The following PDE4D variants were observed in gnomAD, a reference collection of about 807,000 sequenced individuals.
PDE4D encodes phosphodiesterase 4D.
PDE4D carries 24 observed loss-of-function variants against 87.4 expected under a neutral mutation model. The ratio of observed to expected loss-of-function variants is 0.27; its 90% CI spans 0.20 to 0.39. PDE4D has a LOEUF of 0.39. Ranked by LOEUF, PDE4D falls within the 10% of genes least tolerant of loss-of-function variation. PDE4D has a pLI of 1.00. For missense variants in PDE4D, 714 were observed against 1,041.0 expected (o/e 0.69, Z 4.32); for synonymous variants, 384 against 383.2 (o/e 1.00, Z -0.02).
chr5:60,496,999 C>G (rs893937994), intron 1 of PDE4D, among the ~76,000 whole-genome samples: 3 of 152,088 alleles, frequency 2.0e-5, no homozygotes, highest in Admixed American at 2.0e-4. Context: ...TTTACTATAC[C>G]AGTTCTCTAT....
At chr5:60,335,137 G>A (rs1757634700) in intron 1 of PDE4D, 1 of 152,208 alleles carries the variant, frequency 6.6e-6, no homozygotes, top group African/African-American at 2.4e-5. Flanking sequence ...CACACTGTCA[G>A]AGATAAAGGA....
chr5:59,865,297 T>C (rs1746852113), intron 1 of PDE4D, among the ~76,000 whole-genome samples: 1 of 152,218 alleles, frequency 6.6e-6, no homozygotes, highest in African/African-American at 2.4e-5. Flanking sequence ...TTTCGAAAAC[T>C]GTATGAGTAA....
intron 1 of PDE4D, among the ~76,000 whole-genome samples, chr5:59,633,237 T>C (rs150627702): frequency 3.9e-5 from 6 of 152,176 alleles, no homozygotes; most frequent in Admixed American, 2.0e-4. Context: ...TATGGGACTA[T>C]GTAAAAAGCC....
intron 1 of PDE4D, among the ~76,000 whole-genome samples, chr5:60,341,651 A>G (rs1229277916): frequency 6.6e-6 from 1 of 152,196 alleles, no homozygotes; most frequent in African/African-American, 2.4e-5. Context: ...TAAAACCAAG[A>G]GAAGAAGCCC....
chr5:60,243,817 G>A (rs1318828546), intron 1 of PDE4D, among the ~76,000 whole-genome samples: 1 of 151,820 alleles, frequency 6.6e-6, no homozygotes, highest in African/African-American at 2.4e-5. Flanking sequence ...ACACAATAAA[G>A]CCATATACAA....
chr5:59,636,320 A>T (rs1397196248), intron 1 of PDE4D, among the ~76,000 whole-genome samples: 1 of 152,246 alleles, frequency 6.6e-6, no homozygotes, highest in African/African-American at 2.4e-5. Flanking sequence ...AGTAATTTAT[A>T]GATTCAATGC....
intron 1 of PDE4D, among the ~76,000 whole-genome samples, chr5:60,416,848 C>G (rs1453136549): frequency 2.0e-4 from 30 of 152,140 alleles, no homozygotes; most frequent in Non-Finnish European, 1.5e-5. Flanking sequence ...ATGCTGTGTC[C>G]CACTTTACCC....
intron 1 of PDE4D, among the ~76,000 whole-genome samples, chr5:59,283,113 G>A (rs1282330065): frequency 6.6e-6 from 1 of 151,798 alleles, no homozygotes; most frequent in Non-Finnish European, 1.5e-5. Context: ...AATTTTCTGA[G>A]GACTAAAAAA....
chr5:59,401,182 C>G (rs1790548096), intron 1 of PDE4D, among the ~76,000 whole-genome samples: 1 of 152,218 alleles, frequency 6.6e-6, no homozygotes, highest in South Asian at 2.1e-4. Context: ...TGGTAGCTCA[C>G]ACCTGTATTC....
intron 1 of PDE4D, among the ~76,000 whole-genome samples, chr5:59,374,836 G>C (rs554786964): frequency 5.9e-5 from 9 of 152,138 alleles, no homozygotes; most frequent in Non-Finnish European, 1.3e-4. Flanking sequence ...TCTCAGACCA[G>C]AGTGCAATCA....
At chr5:59,993,990 A>C (rs1022140925) in intron 2 of PDE4D, among the ~76,000 whole-genome samples, 1 of 152,058 alleles carries the variant, frequency 6.6e-6, no homozygotes, top group Non-Finnish European at 1.5e-5. Context: ...TACATGCCTA[A>C]AGTAAGCAAT....
chr5:60,019,659 A>G (rs1402155040), intron 2 of PDE4D, among the ~76,000 whole-genome samples: 2 of 151,982 alleles, frequency 1.3e-5, no homozygotes, highest in Non-Finnish European at 2.9e-5. Flanking sequence ...CAGCTTCCTC[A>G]CCTCTCTCAG....
intron 1 of PDE4D, among the ~76,000 whole-genome samples, chr5:60,299,671 A>G (rs1269443795): frequency 1.3e-5 from 2 of 152,120 alleles, no homozygotes; most frequent in Admixed American, 6.5e-5. Context: ...CCGTTCCTGC[A>G]TTAGTTTGCT....
chr5:59,482,343 T>A (rs540074731), intron 1 of PDE4D, among the ~76,000 whole-genome samples: 2 of 152,296 alleles, frequency 1.3e-5, no homozygotes, highest in South Asian at 4.1e-4. Flanking sequence ...GGTCTCTTCT[T>A]TTTAAAAGAA....
chr5:59,619,292 T>C (rs938011543), intron 1 of PDE4D, among the ~76,000 whole-genome samples: 28 of 152,180 alleles, frequency 1.8e-4, no homozygotes, highest in African/African-American at 6.7e-4. Flanking sequence ...GAGGCTCTCT[T>C]GGACACATCA....
chr5:59,574,718 C>T (rs1331741095), intron 1 of PDE4D, among the ~76,000 whole-genome samples: 9 of 152,136 alleles, frequency 5.9e-5, no homozygotes, highest in African/African-American at 2.2e-4. Context: ...TTACTTTCCC[C>T]CCAACAAAGT....
chr5:60,102,028 T>A (rs928387820), intron 2 of PDE4D, among the ~76,000 whole-genome samples: 1 of 152,144 alleles, frequency 6.6e-6, no homozygotes, highest in African/African-American at 2.4e-5. Flanking sequence ...TCAATTGAGT[T>A]TGGAGTCACT....
At chr5:59,499,123 A>C (rs1394176956) in intron 1 of PDE4D, among the ~76,000 whole-genome samples, 1 of 152,172 alleles carries the variant, frequency 6.6e-6, no homozygotes, top group African/African-American at 2.4e-5. Flanking sequence ...GGAATTCTTA[A>C]AACCACACAA....
chr5:59,097,815 G>A (rs752675662), intron 5 of PDE4D, among the ~76,000 whole-genome samples: 3 of 152,126 alleles, frequency 2.0e-5, no homozygotes, highest in Admixed American at 1.3e-4. Flanking sequence ...TACAAGCCTT[G>A]TGTCTCTCCT....
Sources: allele counts gnomAD v4.1 joint callset (sites outside exome capture counted in the v4.1 genomes callset), GRCh38; gene constraint gnomAD v4.1.1; transcripts MANE v1.5; gene names NCBI Gene and HGNC (gene_info 2026-07-23, HGNC 2026-07-21).